KANK2: variants seen among roughly 807,000 people sequenced by gnomAD.
KANK2 encodes KN motif and ankyrin repeat domain-containing protein 2.
A neutral mutation model predicts 74.6 loss-of-function variants in KANK2; 41 were observed. That is an observed-to-expected ratio of 0.55 (90% CI 0.43 to 0.71). KANK2 has a LOEUF of 0.71. KANK2 is among the 30% of genes least tolerant of loss of function. The pLI is 0.00. For synonymous variants in KANK2, 537 were observed against 519.0 expected, an observed-to-expected ratio of 1.03 and a Z score of -0.47; for missense variants, 1,148 against 1,196.4, an observed-to-expected ratio of 0.96 and a Z score of 0.60.
Position 11,178,301 on chromosome 19 carries a change from G to GT in KANK2, c.1520+43_1520+44insA, listed in dbSNP as rs769275307. On this transcript the variant is annotated intron_variant, in intron 6 of 12. Transcript: ENST00000586659. Reference sequence around the variant, plus strand: ...CTCTCGTGCGTGGATGAATGGAGGAGGGGCGGGAAGTATGGGGTGGGGGGT... The same window carrying GT: ...CTCTCGTGCGTGGATGAATGGAGGAGTGGGCGGGAAGTATGGGGTGGGGGGT... The GT allele has an allele frequency of 6.6e-6, 7 of 1,053,646 alleles. No individual in the cohort carries two copies. The South Asian group carries it at 1.3e-4, about 20-fold the overall frequency. 65.3% of individuals were successfully genotyped at this position (1,053,646 alleles called of 1,614,324 possible). A position where few individuals can be genotyped will look rare whatever the true frequency, so the allele number is the denominator to read the frequency against.
chr19:11,188,755 G>T (rs145446845), intron 4 of KANK2, among the ~76,000 whole-genome samples: 1 of 151,652 alleles, frequency 6.6e-6, no homozygotes, highest in African/African-American at 2.4e-5. Flanking sequence ...AGGCCGAGGC[G>T]GGCAGACCAC....
At chr19:11,190,089 G>C (rs981493260) in intron 4 of KANK2, among the ~76,000 whole-genome samples, 1 of 152,110 alleles carries the variant, frequency 6.6e-6, no homozygotes, top group African/African-American at 2.4e-5. Context: ...CCCTACCTTC[G>C]AGCCCTGCTG....
At chr19:11,175,427 CAAA>C (rs753933217) in intron 8 of KANK2, among the ~76,000 whole-genome samples, 4 of 14,966 alleles carry the variant, frequency 2.7e-4, no homozygotes, top group African/African-American at 3.7e-4. Context: ...GACTCCCTCT[CAAA>C]AAAAAAAAAA....
chr19:11,174,747 AC>A (rs2078284806), intron 8 of KANK2, 55 bp from the exon 9 acceptor site: 11 of 1,383,328 alleles, frequency 8.0e-6, no homozygotes, highest in Non-Finnish European at 8.0e-6. Context: ...CCACTGGGAC[AC>A]CCCCCACCCC....
chr19:11,173,590 A>G (rs998617415), intron 9 of KANK2, among the ~76,000 whole-genome samples: 2 of 152,164 alleles, frequency 1.3e-5, no homozygotes, highest in African/African-American at 2.4e-5. Context: ...GGCTCCAGAG[A>G]TGTCACCTCC....
rs1209816471 is a variant in KANK2 at position 11,174,460 on chromosome 19, C to A, written c.2068+13G>T. ...CTGGTTTAGAGCCGCCTCGTCCTCC[C>A]CGCTGGGCTCACCGCTGTCGAGCAG... is the stretch of plus-strand genomic sequence containing the variant. On this transcript the variant is annotated intron_variant, in intron 9 of 12. Coordinates refer to ENST00000586659, the MANE Select transcript of KANK2 (RefSeq NM_001136191.3). The A allele has an allele frequency of 1.9e-6, 3 of 1,593,180 alleles. No individual in the cohort carries two copies. Among genetic ancestry groups the A allele is most frequent in the African/African-American group, 2.7e-5 (2 of 74,458 alleles).
Position 11,193,124 on chromosome 19 carries a change from G to C in KANK2, c.956C>G (p.Pro319Arg). 6.2e-7 allele frequency: 1 copy of C among 1,606,328 alleles called. No homozygotes were observed. Among genetic ancestry groups the C allele is most frequent in the Non-Finnish European group, 8.5e-7 (1 of 1,176,112 alleles). Residue 319 changes from proline to arginine, a missense_variant, in exon 4 of 13, where the codon CCA becomes CGA. Coordinates refer to ENST00000586659, the MANE Select transcript of KANK2 (RefSeq NM_001136191.3). This position sits in a 1 kb window ranked among gnomAD's most constrained non-coding sequence, Gnocchi z 9.6. ...RQADPQPQAW[P>R]PPDSPVRVDT... is the part of the protein sequence containing the mutation. ...CACGCGGACCGGGCTGTCCGGCGGT[G>C]GCCAGGCCTGGGGCTGGGGGTCAGC... is the stretch of plus-strand genomic sequence containing the variant.
intron 12 of KANK2, among the ~76,000 whole-genome samples, chr19:11,167,744 T>C (rs1401892067): frequency 6.6e-6 from 1 of 151,848 alleles, no homozygotes; most frequent in East Asian, 1.9e-4. Context: ...GCCAGGCTGG[T>C]CTCGAACTCC....
At chr19:11,196,656 C>G (rs2079028498) in intron 1 of KANK2, 1 of 152,174 alleles carries the variant, frequency 6.6e-6, no homozygotes, top group Non-Finnish European at 1.5e-5. Flanking sequence ...CAGCACGTCC[C>G]GAGTAAGGGG....
chr19:11,190,956 C>T (rs1381808042), intron 4 of KANK2, among the ~76,000 whole-genome samples: 3 of 150,982 alleles, frequency 2.0e-5, no homozygotes, highest in African/African-American at 7.3e-5. Flanking sequence ...GTCTTGAACT[C>T]CTGGCCTCAA....
At chr19:11,197,746 T>TCGTC (rs1289509551), upstream of KANK2, 2 of 152,010 alleles carry the variant, frequency 1.3e-5, no homozygotes, top group African/African-American at 4.8e-5. Flanking sequence ...GTGTCCGGCC[T>TCGTC]CGTCCTTCCT....
At chr19:11,172,619 C>T (rs980814895) in intron 10 of KANK2, among the ~76,000 whole-genome samples, 1 of 152,162 alleles carries the variant, frequency 6.6e-6, no homozygotes, top group African/African-American at 2.4e-5. Context: ...GCCCTGAGTC[C>T]AAACTGGCTT....
chr19:11,193,615 C>T lies in KANK2; in HGVS notation c.465G>A (p.Ser155=), dbSNP rs768690368. Residue 155 remains serine (S), a synonymous_variant, in exon 4 of 13, where the codon TCG becomes TCA. Transcript: ENST00000586659. The surrounding 1 kb of genome is among the most constrained non-coding windows in gnomAD (Gnocchi z 9.6). ...ACCCCACGCCCACCAGGGAGGCTGT[C>T]GAGCCGGCCGCACTGGGGGTCAGGG... is the stretch of plus-strand genomic sequence containing the variant. The part of the protein sequence containing the change: ...LGSLTPSAAG[S]TASLVGVGLP... The T allele has an allele frequency of 1.2e-5, 19 of 1,584,552 alleles. No homozygotes were observed. Among genetic ancestry groups the T allele is most frequent in the Admixed American group, 5.1e-5 (3 of 58,330 alleles).
Position 11,183,775 on chromosome 19 carries a change from C to T in KANK2, c.1250-5055G>A, listed in dbSNP as rs540277662. Among the ~76,000 whole-genome samples the T allele has an allele frequency of 2.2e-4, 34 of 152,172 alleles. No individual in the cohort carries two copies. The South Asian group carries it at 3.3e-3, about 15-fold the overall frequency. The stretch of plus-strand genomic sequence containing the variant: ...AAGTGATTCTCCTGCCTCAGCCTCC[C>T]GAGTAGCTGGGATTACAAGTGCCCG... On this transcript the variant is annotated intron_variant, in intron 4 of 12. Coordinates refer to ENST00000586659, the MANE Select transcript of KANK2 (RefSeq NM_001136191.3).
intron 6 of KANK2, among the ~76,000 whole-genome samples, chr19:11,177,093 CTTTTTTTT>C (rs33941817): frequency 1.9e-5 from 2 of 104,770 alleles, no homozygotes; most frequent in East Asian, 2.8e-4. Flanking sequence ...ACTCACCCTC[CTTTTTTTT>C]TTTTTTTTTT....
intron 5 of KANK2, 53 bp from the exon 6 acceptor site, chr19:11,178,500 G>T: frequency 6.2e-7 from 1 of 1,601,118 alleles, no homozygotes; most frequent in Non-Finnish European, 8.5e-7. Flanking sequence ...GCCAGACTCC[G>T]AACTGGCGCC....
chr19:11,188,942 G>A (rs1011216319), intron 4 of KANK2, among the ~76,000 whole-genome samples: 1 of 149,720 alleles, frequency 6.7e-6, no homozygotes, highest in Non-Finnish European at 1.5e-5. Flanking sequence ...CGGAGATAGC[G>A]CCATTGCACA....
rs572651488 is a variant in KANK2, at chr19:11,170,782, G to A, written c.2212-534C>T. On this transcript the variant is annotated intron_variant, in intron 10 of 12. Transcript: ENST00000586659. This position sits in a 1 kb window ranked among gnomAD's most constrained non-coding sequence, Gnocchi z 5.2. ...ATTTTTGTATCTTTTGTATAGATAG[G>A]GTTTTGCCATGTTGCCCAGGCTAAT... 2.0e-5 allele frequency among the ~76,000 whole-genome samples: 3 copies of A among 152,198 alleles called. No individual in the cohort carries two copies. In the East Asian group the frequency reaches 5.8e-4, roughly 29 times the overall value.
In KANK2 at chr19:11,193,329, C is replaced by A; in HGVS notation, c.751G>T (p.Asp251Tyr). ...GGGTCCTCTGGGGGATCGGGGAGGT[C>A]CAGGCAGAGCTCGCTGCGACCCCGG... is the stretch of plus-strand genomic sequence containing the variant. The part of the protein sequence containing the change: ...AGRGRSELCL[D>Y]LPDPPEDPVA... The change falls in exon 4 of 13, where the codon GAC (aspartate) becomes TAC (tyrosine). Residue 251 changes from aspartate (D) to tyrosine (Y), a missense_variant. By Grantham distance (160) the Asp-to-Tyr change is radical. Coordinates refer to ENST00000586659, the MANE Select transcript of KANK2 (RefSeq NM_001136191.3). The surrounding 1 kb of genome is among the most constrained non-coding windows in gnomAD (Gnocchi z 9.6). The A allele has an allele frequency of 6.2e-7, 1 of 1,612,596 alleles. No individual in the cohort carries two copies. Among genetic ancestry groups the A allele is most frequent in the Non-Finnish European group, 8.5e-7 (1 of 1,179,916 alleles).
Sources: allele counts gnomAD v4.1 joint callset (sites outside exome capture counted in the v4.1 genomes callset), GRCh38; gene constraint gnomAD v4.1.1; non-coding constraint Gnocchi (gnomAD v3.1); transcripts MANE v1.5; gene names NCBI Gene and HGNC (gene_info 2026-07-23, HGNC 2026-07-21).